The following LRP1B variants were observed in gnomAD, a reference collection of about 807,000 sequenced individuals.
The protein encoded by LRP1B is LDL receptor related protein 1B, also known as low-density lipoprotein receptor-related protein 1B.
A neutral mutation model predicts 556.6 loss-of-function variants in LRP1B; 217 were observed. The observed-to-expected ratio is 0.39, with a 90% CI of 0.35 to 0.44. The LOEUF (loss-of-function observed/expected upper bound fraction) is 0.44. Ranked by LOEUF, LRP1B falls within the 20% of genes least tolerant of loss-of-function variation. The probability of loss-of-function intolerance (pLI) is 1.00; values close to 1 mark genes in which losing one functional copy is unlikely to be tolerated. For synonymous variants in LRP1B, 2,047 were observed against 1,865.8 expected (o/e 1.10, Z -2.50); for missense variants, 5,053 against 5,620.8 (o/e 0.90, Z 3.23).
chr2:142,107,091 T>C (rs564019181), intron 1 of LRP1B, among the ~76,000 whole-genome samples: 1 of 152,132 alleles, frequency 6.6e-6, no homozygotes, highest in South Asian at 2.1e-4. Flanking sequence ...TTCTGTGAGA[T>C]GAGAAAAAAT....
intron 7 of LRP1B, among the ~76,000 whole-genome samples, chr2:141,073,126 A>G (rs1316179073): frequency 6.6e-6 from 1 of 152,112 alleles, no homozygotes; most frequent in Non-Finnish European, 1.5e-5. Context: ...CTTTTTCTCC[A>G]TGCTGCATTT....
chr2:141,995,768 C>G (rs774405154), intron 1 of LRP1B, among the ~76,000 whole-genome samples: 11 of 151,966 alleles, frequency 7.2e-5, no homozygotes, highest in Non-Finnish European at 1.6e-4. Context: ...TTTCAAGAAA[C>G]GTAAATATAA....
chr2:140,412,181 G>C (rs1684992937), intron 66 of LRP1B, among the ~76,000 whole-genome samples: 1 of 152,210 alleles, frequency 6.6e-6, no homozygotes, highest in Admixed American at 6.5e-5. Flanking sequence ...AGGAATGACT[G>C]TTACTGGAAA....
At chr2:140,410,817 A>G (rs937852586) in intron 66 of LRP1B, among the ~76,000 whole-genome samples, 1 of 152,176 alleles carries the variant, frequency 6.6e-6, no homozygotes, top group African/African-American at 2.4e-5. Context: ...GGTATTCTAA[A>G]ACGTATATCC....
At chr2:141,264,073 T>C (rs902252189) in intron 3 of LRP1B, among the ~76,000 whole-genome samples, 1 of 152,188 alleles carries the variant, frequency 6.6e-6, no homozygotes, top group Admixed American at 6.5e-5. Flanking sequence ...TTCAGTAATA[T>C]ATTGAAGTTT....
chr2:141,025,688 A>G (rs1698198443), intron 11 of LRP1B, among the ~76,000 whole-genome samples: 1 of 152,048 alleles, frequency 6.6e-6, no homozygotes, highest in African/African-American at 2.4e-5. Context: ...TGGACTTTCC[A>G]GTTCCCATAA....
chr2:140,245,777 C>T (rs1681134216), intron 87 of LRP1B, among the ~76,000 whole-genome samples: 2 of 151,302 alleles, frequency 1.3e-5, no homozygotes, highest in Non-Finnish European at 3.0e-5. Context: ...CATTTTGCCA[C>T]TGTTAACCTT....
At chr2:140,752,624 C>T (rs923129363) in intron 35 of LRP1B, among the ~76,000 whole-genome samples, 1 of 152,112 alleles carries the variant, frequency 6.6e-6, no homozygotes, top group Non-Finnish European at 1.5e-5. Context: ...CACGCCCAGG[C>T]AAATCTCACA....
chr2:140,810,208 T>TG (rs1690871010), intron 32 of LRP1B, among the ~76,000 whole-genome samples: 1 of 152,132 alleles, frequency 6.6e-6, no homozygotes, highest in East Asian at 1.9e-4. Context: ...AAGAGATTTT[T>TG]TTTAACATAG....
At chr2:141,601,430 T>C (rs11902528) in intron 2 of LRP1B, among the ~76,000 whole-genome samples, 3,572 of 152,294 alleles carry the variant, frequency 0.023, 140 homozygotes, top group African/African-American at 0.082. Context: ...CTACAGTTTC[T>C]AGGCCAGTGA....
chr2:141,767,493 A>G (rs1272345978), intron 2 of LRP1B, among the ~76,000 whole-genome samples: 1 of 152,136 alleles, frequency 6.6e-6, no homozygotes, highest in Non-Finnish European at 1.5e-5. Flanking sequence ...CTTAGGACTT[A>G]TACATTTGTC....
chr2:142,030,247 T>C (rs771401626), intron 1 of LRP1B, among the ~76,000 whole-genome samples: 3 of 151,948 alleles, frequency 2.0e-5, no homozygotes, highest in Non-Finnish European at 4.4e-5. Flanking sequence ...ATCAAAGTTA[T>C]GAAGAAGGCT....
chr2:141,863,451 G>C (rs1698314214), intron 1 of LRP1B, among the ~76,000 whole-genome samples: 2 of 152,146 alleles, frequency 1.3e-5, no homozygotes, highest in Admixed American at 1.3e-4. Context: ...AGGAAAAGCT[G>C]TACCAAAGAG....
chr2:141,710,797 CTACAAACA>C (rs1225600585), intron 2 of LRP1B, among the ~76,000 whole-genome samples: 1 of 152,172 alleles, frequency 6.6e-6, no homozygotes, highest in Non-Finnish European at 1.5e-5. Flanking sequence ...TTGGTTATTG[CTACAAACA>C]GGTCATCTCG....
intron 89 of LRP1B, among the ~76,000 whole-genome samples, chr2:140,235,803 TGAG>T (rs1330798973): frequency 3.3e-5 from 5 of 150,404 alleles, no homozygotes; most frequent in African/African-American, 4.9e-5. Context: ...ATAAAAATGA[TGAG>T]GAAAAAATAA....
chr2:142,094,628 T>G (rs949015080), intron 1 of LRP1B, among the ~76,000 whole-genome samples: 4 of 151,948 alleles, frequency 2.6e-5, no homozygotes, highest in Admixed American at 2.0e-4. Context: ...TTAAATTGAA[T>G]TAATAAAAGA....
intron 1 of LRP1B, among the ~76,000 whole-genome samples, chr2:141,910,750 C>T (rs62155457): frequency 0.09 from 13,744 of 152,010 alleles, 858 homozygotes; most frequent in Non-Finnish European, 0.13. Context: ...ATCATAAATA[C>T]ACCTAAGTAG....
chr2:141,332,743 G>T, intron 3 of LRP1B, among the ~76,000 whole-genome samples: 1 of 147,786 alleles, frequency 6.8e-6, no homozygotes, highest in South Asian at 2.1e-4. Flanking sequence ...TATATATAAA[G>T]GAAACTGTTA....
At chr2:140,262,813 A>C (rs1188991274) in intron 86 of LRP1B, among the ~76,000 whole-genome samples, 1 of 152,160 alleles carries the variant, frequency 6.6e-6, no homozygotes, top group Non-Finnish European at 1.5e-5. Flanking sequence ...GTACATTTCA[A>C]TATCTCCCTA....
Sources: allele counts gnomAD v4.1 joint callset (sites outside exome capture counted in the v4.1 genomes callset), GRCh38; gene constraint gnomAD v4.1.1; transcripts MANE v1.5; gene names NCBI Gene and HGNC (gene_info 2026-07-23, HGNC 2026-07-21).